The following CCDC15 variants were observed in gnomAD, a reference collection of about 807,000 sequenced individuals.
CCDC15 encodes coiled-coil domain containing 15.
A neutral mutation model predicts 114.5 loss-of-function variants in CCDC15; 105 were observed. The ratio of observed to expected loss-of-function variants is 0.92; its 90% CI spans 0.78 to 1.08. CCDC15 has a LOEUF of 1.08. Ranked by LOEUF, CCDC15 falls within the 50% of genes least tolerant of loss-of-function variation. CCDC15 has a pLI of 0.00. For synonymous variants in CCDC15, 334 were observed against 377.8 expected, an observed-to-expected ratio of 0.88 and a Z score of 1.34; for missense variants, 1,105 against 1,093.6, an observed-to-expected ratio of 1.01 and a Z score of -0.15.
Position 125,038,483 on chromosome 11 carries a change from A to C in CCDC15, c.2464A>C (p.Arg822=). The change falls in exon 14 of 16, where the codon AGA becomes CGA. Residue 822 remains arginine, a synonymous_variant. Transcript: ENST00000344762. The part of the protein sequence containing the change: ...ECYAAEQRIL[R]MNFHEDPYSG... ...TTATGCTGCAGAGCAGAGGATCCTA[A>C]GAATGAACTTTCATGAAGATCCATA... The C allele has an allele frequency of 6.3e-7, 1 of 1,582,876 alleles. No homozygotes were observed. The highest frequency in any genetic ancestry group is 8.6e-7 in the Non-Finnish European group (1 of 1,163,600).
chr11:124,993,059 TATC>T, intron 10 of CCDC15, 107 bp from the exon 11 acceptor site: 1 of 683,240 alleles, frequency 1.5e-6, no homozygotes, highest in South Asian at 1.9e-5. Context: ...TGTGTTCTAT[TATC>T]CTCACCTAGT....
Position 124,987,549 on chromosome 11 carries a change from A to T in CCDC15, c.1323A>T (p.Leu441=), listed in dbSNP as rs1262516782. The T allele has an allele frequency of 6.2e-7, 1 of 1,614,038 alleles. No homozygotes were observed. Among genetic ancestry groups the T allele is most frequent in the Middle Eastern group, 1.6e-4 (1 of 6,062 alleles). The change falls in exon 8 of 16, where the codon CTA becomes CTT. Residue 441 remains leucine (L), a synonymous_variant. Transcript: ENST00000344762. ...TTCTCCCTAAAGACCAGAGTATTCT[A>T]CTCAAATATCAGGACCAGGACTTCC... The part of the protein sequence containing the change: ...HCVLPKDQSI[L]LKYQDQDFLP...
intron 6 of CCDC15, among the ~76,000 whole-genome samples, chr11:124,985,262 T>C (rs1275556062): frequency 6.6e-6 from 1 of 152,236 alleles, no homozygotes; most frequent in Non-Finnish European, 1.5e-5. Flanking sequence ...TAGTAGACTT[T>C]GGCGTTCTTT....
chr11:124,988,246 A>G lies in CCDC15; in HGVS notation c.1908+112A>G, dbSNP rs1948210395. ...TTGGAGATACTGTGGGTTCAGTTCC[A>G]GGCCATTGCAATAAAGCAAATATTG... On this transcript the variant is annotated intron_variant, in intron 8 of 15. Coordinates refer to ENST00000344762, the MANE Select transcript of CCDC15 (RefSeq NM_025004.3). 13 of 1,128,020 alleles carry G rather than the reference A, an allele frequency of 1.2e-5. 1 individual carries two copies. The South Asian group carries it at 1.8e-4, about 16-fold the overall frequency. 69.9% of individuals were successfully genotyped at this position (1,128,020 alleles called of 1,614,324 possible). A position where few individuals can be genotyped will look rare whatever the true frequency, so the allele number is the denominator to read the frequency against.
At chr11:124,979,414 G>C (rs1948028600) in intron 6 of CCDC15, among the ~76,000 whole-genome samples, 2 of 152,164 alleles carry the variant, frequency 1.3e-5, no homozygotes, top group Admixed American at 1.3e-4. Context: ...TTATCCATGA[G>C]CATGAAATGT....
At chr11:124,961,753 T>C (rs1947661670) in intron 4 of CCDC15, among the ~76,000 whole-genome samples, 2 of 152,132 alleles carry the variant, frequency 1.3e-5, no homozygotes, top group South Asian at 4.1e-4. Flanking sequence ...ATCAAATTCC[T>C]GAGCTCAAGG....
chr11:124,955,039 C>T, intron 2 of CCDC15, 130 bp downstream of exon 2: 1 of 823,376 alleles, frequency 1.2e-6, no homozygotes, highest in Non-Finnish European at 1.9e-6. Context: ...ATAGTTTATG[C>T]TCTTGCATTA....
intron 13 of CCDC15, among the ~76,000 whole-genome samples, chr11:125,021,788 C>T (rs976351638): frequency 1.3e-5 from 2 of 151,860 alleles, no homozygotes; most frequent in Admixed American, 6.6e-5. Context: ...ACAATGCTGA[C>T]GTGTTCCCTT....
chr11:124,961,391 A>G (rs929986368), intron 4 of CCDC15, among the ~76,000 whole-genome samples: 2 of 152,252 alleles, frequency 1.3e-5, no homozygotes, highest in Non-Finnish European at 2.9e-5. Context: ...AGATAATAAT[A>G]TAGAGAGATT....
rs533754409 is a variant in CCDC15 at position 125,023,232 on chromosome 11, G to A, written c.2412-15199G>A. Among the ~76,000 whole-genome samples, 3 of 152,026 alleles carry A rather than the reference G, an allele frequency of 2.0e-5. No homozygotes were observed. The East Asian group carries it at 5.8e-4, about 29-fold the overall frequency. On this transcript the variant is annotated intron_variant, in intron 13 of 15. Coordinates refer to ENST00000344762, the MANE Select transcript of CCDC15 (RefSeq NM_025004.3). Reference sequence around the variant, plus strand: ...ACGAGGATACCCATTTGTTGAAGAGGCTATATTTTCTTCATTGCATTGCCT... The same window carrying A: ...ACGAGGATACCCATTTGTTGAAGAGACTATATTTTCTTCATTGCATTGCCT...
chr11:125,040,710 A>G lies in CCDC15; in HGVS notation c.2855A>G (p.Ter952=). ...CACAGGCGGACTTTGAAAAATCTATAATAAGAATCTGAAATTAACTGGTAG... is the reference window on the plus strand; with the variant it reads ...CACAGGCGGACTTTGAAAAATCTATGATAAGAATCTGAAATTAACTGGTAG... ...SAHRRTLKNL[*] Residue 952 remains the stop codon, a stop_retained_variant, in exon 16 of 16, where the codon TAA becomes TGA. Coordinates refer to ENST00000344762, the MANE Select transcript of CCDC15 (RefSeq NM_025004.3). The G allele has an allele frequency of 6.2e-7, 1 of 1,611,110 alleles. No individual in the cohort carries two copies. The highest frequency in any genetic ancestry group is 1.1e-5 in the South Asian group (1 of 90,402).
At position 124,971,430 on chromosome 11, in the gene CCDC15, T is replaced by G. The variant is rs1040615121; in HGVS notation, c.517-3666T>G. 5.3e-5 allele frequency among the ~76,000 whole-genome samples: 8 copies of G among 152,318 alleles called. No homozygotes were observed. In the South Asian group the frequency reaches 8.3e-4, roughly 16 times the overall value. On this transcript the variant is annotated intron_variant, in intron 4 of 15. Transcript: ENST00000344762. ...AGAACAAAGCTGGATGGAGAATGAC[T>G]TTGATGAGTTGACAGAAGTAGGCTT...
chr11:124,977,375 A>G, intron 5 of CCDC15, 103 bp from the exon 6 acceptor site: 1 of 1,140,716 alleles, frequency 8.8e-7, no homozygotes. Context: ...GACTACCAAA[A>G]CCTACTAAGA....
chr11:124,955,994 G>A (rs995925603), intron 2 of CCDC15, among the ~76,000 whole-genome samples: 1 of 152,128 alleles, frequency 6.6e-6, no homozygotes, highest in African/African-American at 2.4e-5. Flanking sequence ...TCCTATTAAG[G>A]AGAATGAGGA....
At chr11:125,034,615 T>C (rs1948763545) in intron 13 of CCDC15, among the ~76,000 whole-genome samples, 1 of 152,198 alleles carries the variant, frequency 6.6e-6, no homozygotes, top group African/African-American at 2.4e-5. Context: ...GTTCTCCACA[T>C]ATGGTCAAAG....
intron 5 of CCDC15, 25 bp downstream of exon 5, chr11:124,975,234 T>G (rs777866397): frequency 1.5e-6 from 2 of 1,365,480 alleles, no homozygotes; most frequent in African/African-American, 1.5e-5. Flanking sequence ...AATACATGAT[T>G]TAAAAAAATA....
intron 13 of CCDC15, among the ~76,000 whole-genome samples, chr11:125,017,510 T>A (rs574014278): frequency 1.3e-5 from 2 of 152,278 alleles, no homozygotes; most frequent in South Asian, 4.1e-4. Flanking sequence ...AAACCTACTG[T>A]GCTTCCAGTT....
chr11:124,954,655 A>T, intron 1 of CCDC15, 69 bp from the exon 2 acceptor site: 3 of 1,395,402 alleles, frequency 2.1e-6, no homozygotes, highest in Non-Finnish European at 3.0e-6. Flanking sequence ...CCTGTGGCTC[A>T]TGTGTTAGGA....
chr11:125,010,396 A>C (rs532917461), intron 13 of CCDC15, among the ~76,000 whole-genome samples: 30 of 135,090 alleles, frequency 2.2e-4, no homozygotes, highest in Non-Finnish European at 4.2e-4. Flanking sequence ...TTTTTTTTTT[A>C]AGATGGAGTC....
Sources: gnomAD v4.1 joint callset for allele counts (sites outside exome capture counted in the v4.1 genomes callset) on GRCh38, gnomAD v4.1.1 for gene constraint, MANE v1.5 for transcripts, NCBI Gene and HGNC (gene_info 2026-07-23, HGNC 2026-07-21) for gene names.